Variants in PRKN observed in about 807,000 individuals in gnomAD.
PRKN encodes E3 ubiquitin-protein ligase parkin.
PRKN carries 56 observed loss-of-function variants against 59.5 expected under a neutral mutation model. The ratio of observed to expected loss-of-function variants is 0.94; its 90% CI spans 0.76 to 1.18. The LOEUF (loss-of-function observed/expected upper bound fraction) is 1.18. Ranked by LOEUF, PRKN falls within the 50% of genes most tolerant of loss-of-function variation. The pLI, the probability that PRKN is intolerant of heterozygous loss-of-function variation, is 0.00. For missense variants in PRKN, 657 were observed against 596.4 expected, an observed-to-expected ratio of 1.10 and a Z score of -1.06; for synonymous variants, 250 against 222.1, an observed-to-expected ratio of 1.13 and a Z score of -1.12.
At chr6:161,478,370 AG>A (rs1791223923) in intron 9 of PRKN, among the ~76,000 whole-genome samples, 1 of 152,238 alleles carries the variant, frequency 6.6e-6, no homozygotes, top group Non-Finnish European at 1.5e-5. Flanking sequence ...TTGTAGATGC[AG>A]AATTATATTA....
intron 1 of PRKN, among the ~76,000 whole-genome samples, chr6:162,611,454 C>T (rs952969854): frequency 2.6e-5 from 4 of 152,170 alleles, no homozygotes; most frequent in African/African-American, 9.6e-5. Context: ...AGCTTCCATA[C>T]AAATCAACAG....
chr6:161,853,232 T>C (rs1418923859), intron 6 of PRKN, among the ~76,000 whole-genome samples: 1 of 152,212 alleles, frequency 6.6e-6, no homozygotes, highest in African/African-American at 2.4e-5. Context: ...CTGTTTTTAC[T>C]TTCTTATATG....
At chr6:162,645,189 T>G (rs1238291774) in intron 1 of PRKN, among the ~76,000 whole-genome samples, 2 of 152,220 alleles carry the variant, frequency 1.3e-5, no homozygotes. Flanking sequence ...AGCCTAATTT[T>G]ATGAAGGTCT....
intron 6 of PRKN, among the ~76,000 whole-genome samples, chr6:161,828,929 CAAA>C (rs11301137): frequency 8.0e-5 from 10 of 125,206 alleles, no homozygotes; most frequent in Admixed American, 1.6e-4. Flanking sequence ...GACTCCATCT[CAAA>C]AAAAAAAAAA....
chr6:161,510,448 C>T (rs1279338406), intron 9 of PRKN, among the ~76,000 whole-genome samples: 3 of 152,168 alleles, frequency 2.0e-5, no homozygotes, highest in Non-Finnish European at 2.9e-5. Flanking sequence ...GAGATCCCCA[C>T]ATCAAGTTGT....
At chr6:162,094,151 C>G (rs921444841) in intron 4 of PRKN, among the ~76,000 whole-genome samples, 1 of 152,178 alleles carries the variant, frequency 6.6e-6, no homozygotes, top group Non-Finnish European at 1.5e-5. Flanking sequence ...CAAGAACCAA[C>G]AAGCAGCCCA....
chr6:162,168,073 T>C (rs970855752), intron 4 of PRKN, among the ~76,000 whole-genome samples: 9 of 152,308 alleles, frequency 5.9e-5, no homozygotes, highest in African/African-American at 2.2e-4. Context: ...CAATCTGCTC[T>C]TCTTGGAGTA....
chr6:161,489,648 CT>C (rs35040781), intron 9 of PRKN, among the ~76,000 whole-genome samples: 42,421 of 150,108 alleles, frequency 0.28, 6,728 homozygotes, highest in African/African-American at 0.44. Context: ...ATACTTGGAA[CT>C]TTTTTTTTTA....
chr6:162,117,943 A>G (rs1460645058), intron 4 of PRKN, among the ~76,000 whole-genome samples: 1 of 152,074 alleles, frequency 6.6e-6, no homozygotes, highest in East Asian at 1.9e-4. Context: ...CTAAAAATAC[A>G]AAATTAGCCA....
intron 2 of PRKN, among the ~76,000 whole-genome samples, chr6:162,298,166 G>T (rs1781767128): frequency 6.7e-6 from 1 of 149,624 alleles, no homozygotes; most frequent in African/African-American, 2.5e-5. Context: ...GGTACAGACG[G>T]AGGGGAGAGA....
At chr6:162,421,870 C>T (rs879290399) in intron 2 of PRKN, among the ~76,000 whole-genome samples, 6 of 152,040 alleles carry the variant, frequency 3.9e-5, no homozygotes, top group Non-Finnish European at 8.8e-5. Flanking sequence ...AAGAGATATT[C>T]TACTAAACTA....
In PRKN at chr6:161,796,392, T is replaced by C. The variant is rs1790850652; in HGVS notation, c.735-10484A>G. Among the ~76,000 whole-genome samples the C allele has an allele frequency of 3.9e-5, 6 of 152,254 alleles. No individual in the cohort carries two copies. The South Asian group carries it at 1.2e-3, about 32-fold the overall frequency. ...AAGTTAAAAGCAAAGATGTCAGTCCTGTTTTGTAGTAATTTGTTAGAATGA... is the reference window on the plus strand; with the variant it reads ...AAGTTAAAAGCAAAGATGTCAGTCCCGTTTTGTAGTAATTTGTTAGAATGA... On this transcript the variant is annotated intron_variant, in intron 6 of 11. Transcript: ENST00000366898.
chr6:162,234,115 G>A (rs1778539291), intron 3 of PRKN, among the ~76,000 whole-genome samples: 2 of 152,134 alleles, frequency 1.3e-5, no homozygotes, highest in South Asian at 2.1e-4. Context: ...CCTAACATAG[G>A]ATGGGGGAAA....
intron 1 of PRKN, among the ~76,000 whole-genome samples, chr6:162,585,412 A>G (rs1274514125): frequency 6.6e-6 from 1 of 152,124 alleles, no homozygotes; most frequent in Non-Finnish European, 1.5e-5. Context: ...AGTTCTTCTA[A>G]CTGCACCCAA....
chr6:161,739,269 A>C (rs954294774), intron 7 of PRKN, among the ~76,000 whole-genome samples: 1 of 152,086 alleles, frequency 6.6e-6, no homozygotes. Flanking sequence ...TTCACCAGGT[A>C]TGGTGGCGTA....
At position 161,407,320 on chromosome 6, in the gene PRKN, G is replaced by C. The variant is rs1170342551; in HGVS notation, c.1084-20443C>G. On this transcript the variant is annotated intron_variant, in intron 9 of 11. Coordinates refer to ENST00000366898, the MANE Select transcript of PRKN (RefSeq NM_004562.3). This position sits in a 1 kb window ranked among gnomAD's most constrained non-coding sequence, Gnocchi z 4.9. ...ATATTGCTTCTCATTTGGCAAAGCTGAAAAGGGAGGGGCTGGGGAAGGGGG... is the reference window on the plus strand; with the variant it reads ...ATATTGCTTCTCATTTGGCAAAGCTCAAAAGGGAGGGGCTGGGGAAGGGGG... Among the ~76,000 whole-genome samples, 1 of 151,934 alleles carries C rather than the reference G, an allele frequency of 6.6e-6. No individual in the cohort carries two copies. The highest frequency in any genetic ancestry group is 2.4e-5 in the African/African-American group (1 of 41,338).
chr6:161,381,680 A>G (rs1409113640), intron 10 of PRKN, among the ~76,000 whole-genome samples: 2 of 152,164 alleles, frequency 1.3e-5, no homozygotes, highest in Non-Finnish European at 2.9e-5. Flanking sequence ...GTACTTACCC[A>G]GCTTCATGGT....
chr6:162,562,111 C>T (rs1402776772), intron 1 of PRKN, among the ~76,000 whole-genome samples: 4 of 152,066 alleles, frequency 2.6e-5, no homozygotes, highest in African/African-American at 9.7e-5. Context: ...AGCTTAGCCA[C>T]AGCAGGAAAG....
At chr6:162,362,587 T>A (rs1166239799) in intron 2 of PRKN, among the ~76,000 whole-genome samples, 1 of 152,150 alleles carries the variant, frequency 6.6e-6, no homozygotes, top group African/African-American at 2.4e-5. Flanking sequence ...TTTTTCTTCC[T>A]TTTAGGATAG....
Sources: allele counts gnomAD v4.1 joint callset (sites outside exome capture counted in the v4.1 genomes callset), GRCh38; gene constraint gnomAD v4.1.1; non-coding constraint Gnocchi (gnomAD v3.1); transcripts MANE v1.5; gene names NCBI Gene and HGNC (gene_info 2026-07-23, HGNC 2026-07-21).